The following CDH13 variants were observed in gnomAD, a reference collection of about 807,000 sequenced individuals.
CDH13 encodes cadherin-13.
In CDH13, 24 loss-of-function variants were observed where a neutral mutation model predicts 63.8. The observed-to-expected ratio is 0.38, with a 90% CI of 0.27 to 0.53. The LOEUF (loss-of-function observed/expected upper bound fraction) is 0.53, where lower values mean the gene tolerates loss of function less well. Ranked by LOEUF, CDH13 falls within the 20% of genes least tolerant of loss-of-function variation. The pLI is 0.85. For synonymous variants in CDH13, 503 were observed against 355.3 expected, an observed-to-expected ratio of 1.42 and a Z score of -4.67; for missense variants, 1,049 against 903.1, an observed-to-expected ratio of 1.16 and a Z score of -2.07.
intron 8 of CDH13, among the ~76,000 whole-genome samples, chr16:83,659,058 C>G (rs1913185191): frequency 1.4e-5 from 2 of 142,598 alleles, no homozygotes; most frequent in Non-Finnish European, 3.0e-5. Context: ...TCCTCACCAC[C>G]AGGTCCCATA....
intron 1 of CDH13, among the ~76,000 whole-genome samples, chr16:82,750,838 T>C (rs1323341417): frequency 6.6e-6 from 1 of 152,194 alleles, no homozygotes; most frequent in Non-Finnish European, 1.5e-5. Context: ...TCTGTTATGG[T>C]TGAGTGCATT....
In CDH13 at chr16:83,453,948, C is replaced by A. The variant is rs543112803; in HGVS notation, c.782-32529C>A. Among the ~76,000 whole-genome samples, 12 of 152,316 alleles carry A rather than the reference C, an allele frequency of 7.9e-5. No individual in the cohort carries two copies. The South Asian group carries it at 2.5e-3, about 32-fold the overall frequency. On this transcript the variant is annotated intron_variant, in intron 6 of 13. Transcript: ENST00000567109. ...TGGCATCATGCTGTGCTCCTGCCTT[C>A]CCAAGCAGGGTGTGCACGCAGGCAC...
At chr16:83,500,841 A>G (rs1037004179) in intron 7 of CDH13, among the ~76,000 whole-genome samples, 1 of 151,718 alleles carries the variant, frequency 6.6e-6, no homozygotes, top group Non-Finnish European at 1.5e-5. Context: ...CGGCCTCCCA[A>G]AGTATTGGGA....
intron 7 of CDH13, among the ~76,000 whole-genome samples, chr16:83,560,219 A>G (rs1323673417): frequency 1.3e-5 from 2 of 152,248 alleles, no homozygotes; most frequent in Non-Finnish European, 2.9e-5. Flanking sequence ...AGACATATTC[A>G]TAGTTCTGAC....
intron 6 of CDH13, among the ~76,000 whole-genome samples, chr16:83,375,401 G>T (rs1218879245): frequency 6.6e-6 from 1 of 152,150 alleles, no homozygotes; most frequent in East Asian, 1.9e-4. Context: ...AGCTATCAGT[G>T]GCTATGGAAT....
Position 83,486,538 on chromosome 16 carries a change from C to T in CDH13, c.843C>T (p.Leu281=), listed in dbSNP as rs1353118391. ...DADDPATDNA[L]LRYNIRQQTP... Reference sequence around the variant, plus strand: ...ATGACCCAGCCACCGATAATGCCCTCCTGCGGTATAATATCCGTCAGCAGA... The same window carrying T: ...ATGACCCAGCCACCGATAATGCCCTTCTGCGGTATAATATCCGTCAGCAGA... Residue 281 remains leucine, a synonymous_variant, in exon 7 of 14, where the codon CTC becomes CTT. Transcript: ENST00000567109. 27 of 1,613,774 alleles carry T rather than the reference C, an allele frequency of 1.7e-5. No homozygotes were observed. Among genetic ancestry groups the T allele is most frequent in the Non-Finnish European group, 2.1e-5 (25 of 1,179,836 alleles).
chr16:82,763,822 A>G (rs1440320264), intron 1 of CDH13, among the ~76,000 whole-genome samples: 1 of 152,172 alleles, frequency 6.6e-6, no homozygotes, highest in Non-Finnish European at 1.5e-5. Flanking sequence ...AGCTGGGACT[A>G]TAGGTGCACA....
chr16:83,394,860 A>G (rs2091855533), intron 6 of CDH13, among the ~76,000 whole-genome samples: 1 of 152,126 alleles, frequency 6.6e-6, no homozygotes, highest in African/African-American at 2.4e-5. Flanking sequence ...AGAAAAGTCA[A>G]GGAAGGGCCA....
chr16:83,139,999 T>C (rs1226019042), intron 4 of CDH13, among the ~76,000 whole-genome samples: 1 of 152,146 alleles, frequency 6.6e-6, no homozygotes, highest in Non-Finnish European at 1.5e-5. Flanking sequence ...CAAAACTCCA[T>C]CTATAAATAA....
chr16:83,277,862 A>G (rs905495608), intron 5 of CDH13, among the ~76,000 whole-genome samples: 2 of 152,174 alleles, frequency 1.3e-5, no homozygotes, highest in Non-Finnish European at 2.9e-5. Context: ...AATATAAAGG[A>G]TCCTGAAACC....
intron 2 of CDH13, among the ~76,000 whole-genome samples, chr16:83,015,418 GA>G (rs929183532): frequency 1.4e-5 from 2 of 143,788 alleles, no homozygotes; most frequent in Non-Finnish European, 1.5e-5. Flanking sequence ...GCTAAAAAGA[GA>G]AAAAAAAAAG....
intron 3 of CDH13, among the ~76,000 whole-genome samples, chr16:83,058,966 T>C (rs2151518537): frequency 6.6e-6 from 1 of 152,248 alleles, no homozygotes; most frequent in South Asian, 2.1e-4. Context: ...CCATTCTCAT[T>C]CAAAGATGGA....
Position 82,780,962 on chromosome 16 carries a change from A to T in CDH13, c.46-77400A>T, listed in dbSNP as rs186370027. 7.4e-4 allele frequency among the ~76,000 whole-genome samples: 112 copies of T among 152,346 alleles called. 1 individual carries two copies. Among genetic ancestry groups the T allele is most frequent in the African/African-American group, 2.6e-3 (108 of 41,582 alleles). ...GAGGGAGGAAATCACTGTGACTTTG[A>T]ATCAGGGTCACATTTGGGGTAGCTG... On this transcript the variant is annotated intron_variant, in intron 1 of 13. Coordinates refer to ENST00000567109, the MANE Select transcript of CDH13 (RefSeq NM_001257.5).
At chr16:83,734,726 G>C (rs964358522) in intron 10 of CDH13, among the ~76,000 whole-genome samples, 2 of 38,170 alleles carry the variant, frequency 5.2e-5, no homozygotes, top group Admixed American at 5.0e-4. Context: ...AAAACTTAAA[G>C]TATAATAATA....
At chr16:83,585,630 G>T (rs1185867725) in intron 7 of CDH13, among the ~76,000 whole-genome samples, 2 of 152,002 alleles carry the variant, frequency 1.3e-5, no homozygotes, top group Non-Finnish European at 2.9e-5. Flanking sequence ...CACAGGGGTG[G>T]GTGGAACCAA....
chr16:83,799,610 C>T lies in CDH13; in HGVS notation c.*4580C>T, dbSNP rs1036918965. 5 of 152,090 alleles carry T rather than the reference C, an allele frequency of 3.3e-5. No homozygotes were observed. The highest frequency in any genetic ancestry group is 7.2e-5 in the African/African-American group (3 of 41,420). The allele number at this position is 152,090 out of a possible 1,614,324, so 9.4% of individuals were successfully genotyped here. A position where few individuals can be genotyped will look rare whatever the true frequency, so the allele number is the denominator to read the frequency against. ...AAAGCCACCTACCTTTTCTGTTTACCAAATACTAAGAATAATAATCTAATA... is the reference window on the plus strand; with the variant it reads ...AAAGCCACCTACCTTTTCTGTTTACTAAATACTAAGAATAATAATCTAATA... On this transcript the variant is annotated 3_prime_UTR_variant, in exon 14 of 14. Transcript: ENST00000567109.
At chr16:82,788,767 C>G (rs1484477110) in intron 1 of CDH13, among the ~76,000 whole-genome samples, 1 of 152,174 alleles carries the variant, frequency 6.6e-6, no homozygotes, top group South Asian at 2.1e-4. Flanking sequence ...TGACAAAGAG[C>G]CGGACAGATC....
chr16:83,351,280 C>CT (rs5818442), intron 6 of CDH13, among the ~76,000 whole-genome samples: 21,352 of 134,952 alleles, frequency 0.16, 2,384 homozygotes, highest in African/African-American at 0.32. Flanking sequence ...GTGGCTATTT[C>CT]TTTTTTTTTT....
chr16:83,235,459 G>A (rs957317286), intron 5 of CDH13, among the ~76,000 whole-genome samples: 3 of 152,102 alleles, frequency 2.0e-5, no homozygotes, highest in African/African-American at 4.8e-5. Context: ...AGCTGGAATC[G>A]TGGCATGTCA....
Sources: allele counts gnomAD v4.1 joint callset (sites outside exome capture counted in the v4.1 genomes callset), GRCh38; gene constraint gnomAD v4.1.1; transcripts MANE v1.5; gene names NCBI Gene and HGNC (gene_info 2026-07-23, HGNC 2026-07-21).